The following CADM2 variants were observed in gnomAD, a reference collection of about 807,000 sequenced individuals.
CADM2 encodes cell adhesion molecule 2.
Under a neutral mutation model 49.8 loss-of-function variants are expected in CADM2, and 12 were observed. The observed-to-expected ratio is 0.24, with a 90% CI of 0.15 to 0.39. The LOEUF is 0.39. Among genes scored for constraint, CADM2 ranks in the 10% least tolerant of loss-of-function variants. CADM2 has a pLI of 1.00. For synonymous variants in CADM2, 214 were observed against 175.4 expected (o/e 1.22, Z -1.74); for missense variants, 378 against 492.3 (o/e 0.77, Z 2.20).
intron 1 of CADM2, among the ~76,000 whole-genome samples, chr3:85,157,418 C>T (rs1035865411): frequency 6.6e-6 from 1 of 152,100 alleles, no homozygotes; most frequent in African/African-American, 2.4e-5. Context: ...CTGGAGGCAT[C>T]ACACTACCTG....
intron 1 of CADM2, among the ~76,000 whole-genome samples, chr3:85,664,774 T>C (rs2065515166): frequency 6.6e-6 from 1 of 152,002 alleles, no homozygotes; most frequent in Non-Finnish European, 1.5e-5. Context: ...CTGTCTCTTA[T>C]CCCATCTGCA....
At chr3:85,950,443 T>G (rs1723296591) in intron 7 of CADM2, among the ~76,000 whole-genome samples, 1 of 151,146 alleles carries the variant, frequency 6.6e-6, no homozygotes, top group Non-Finnish European at 1.5e-5. Flanking sequence ...TGTTGTGCCA[T>G]AAATTGGCTG....
intron 1 of CADM2, among the ~76,000 whole-genome samples, chr3:85,277,109 G>A (rs933353014): frequency 6.6e-6 from 1 of 151,200 alleles, no homozygotes; most frequent in Non-Finnish European, 1.5e-5. Flanking sequence ...CTTGAACTGA[G>A]GTGATAATGA....
chr3:85,501,863 A>T (rs550238012), intron 1 of CADM2, among the ~76,000 whole-genome samples: 2 of 152,268 alleles, frequency 1.3e-5, no homozygotes, highest in East Asian at 3.9e-4. Context: ...ATTTTTTGAA[A>T]AGCCAATTAA....
intron 1 of CADM2, among the ~76,000 whole-genome samples, chr3:85,491,647 T>A (rs945107554): frequency 6.6e-6 from 1 of 152,052 alleles, no homozygotes; most frequent in African/African-American, 2.4e-5. Flanking sequence ...TCTACCCCTC[T>A]AGTCACTTAA....
intron 1 of CADM2, among the ~76,000 whole-genome samples, chr3:85,628,903 G>A (rs936837672): frequency 1.3e-5 from 2 of 151,008 alleles, no homozygotes; most frequent in African/African-American, 4.9e-5. Flanking sequence ...AGTTATTGAG[G>A]TGGTATATGT....
intron 1 of CADM2, among the ~76,000 whole-genome samples, chr3:85,179,061 T>A (rs967279994): frequency 6.6e-6 from 1 of 151,978 alleles, no homozygotes; most frequent in East Asian, 1.9e-4. Context: ...TTCCTAATAA[T>A]TTAATCATTA....
At chr3:85,866,118 A>G (rs2075712148) in intron 3 of CADM2, among the ~76,000 whole-genome samples, 1 of 152,146 alleles carries the variant, frequency 6.6e-6, no homozygotes, top group Admixed American at 6.5e-5. Context: ...TCTGGGCGAC[A>G]GAGTGAGAGT....
intron 1 of CADM2, among the ~76,000 whole-genome samples, chr3:85,227,315 G>C (rs2042184263): frequency 6.6e-6 from 1 of 152,032 alleles, no homozygotes; most frequent in South Asian, 2.1e-4. Flanking sequence ...CTCCTGTATA[G>C]GGTGCATATA....
intron 2 of CADM2, among the ~76,000 whole-genome samples, chr3:85,741,192 T>A (rs1218536679): frequency 6.6e-6 from 1 of 152,180 alleles, no homozygotes; most frequent in Non-Finnish European, 1.5e-5. Context: ...TGTTTAGATA[T>A]CATCTTCTAT....
intron 1 of CADM2, among the ~76,000 whole-genome samples, chr3:85,199,225 A>T (rs1463108507): frequency 6.6e-6 from 1 of 151,968 alleles, no homozygotes; most frequent in Admixed American, 6.6e-5. Context: ...GAGAATAGCT[A>T]TTTGTATTCA....
intron 1 of CADM2, among the ~76,000 whole-genome samples, chr3:85,683,424 T>G (rs895135231): frequency 6.6e-6 from 1 of 152,288 alleles, no homozygotes; most frequent in South Asian, 2.1e-4. Context: ...TGTGTGAATC[T>G]TTTTTGATAA....
intron 1 of CADM2, among the ~76,000 whole-genome samples, chr3:85,663,021 A>G (rs1037563905): frequency 6.6e-6 from 1 of 152,012 alleles, no homozygotes; most frequent in Non-Finnish European, 1.5e-5. Flanking sequence ...TCGTAACTAG[A>G]TATTTGGTGT....
rs112565489 is a variant in CADM2, at chr3:85,034,580, C to T, written c.61+74912C>T. Among the ~76,000 whole-genome samples, 652 of 152,072 alleles carry T rather than the reference C, an allele frequency of 4.3e-3. 2 individuals are homozygous for T. The highest frequency in any genetic ancestry group is 0.014 in the African/African-American group (571 of 41,470). ...AACATGGGAGTGCAGATATCTCTGACGTATTTCCTTTCTTTTGGGTCTATA... is the reference window on the plus strand; with the variant it reads ...AACATGGGAGTGCAGATATCTCTGATGTATTTCCTTTCTTTTGGGTCTATA... On this transcript the variant is annotated intron_variant, in intron 1 of 9. Coordinates refer to ENST00000383699, the MANE Select transcript of CADM2 (RefSeq NM_001167675.2).
intron 4 of CADM2, among the ~76,000 whole-genome samples, chr3:85,885,806 C>T (rs1331510479): frequency 2.2e-5 from 3 of 137,588 alleles, no homozygotes; most frequent in Non-Finnish European, 3.0e-5. Flanking sequence ...GAGCCGAGAT[C>T]GAGCCAGTCC....
At chr3:85,526,831 T>A (rs2106928639) in intron 1 of CADM2, among the ~76,000 whole-genome samples, 1 of 152,240 alleles carries the variant, frequency 6.6e-6, no homozygotes, top group Admixed American at 6.5e-5. Context: ...ACAAGTATTA[T>A]CCCCATTTTA....
intron 8 of CADM2, chr3:86,014,793 A>C (rs1732001773): frequency 6.8e-7 from 1 of 1,476,522 alleles, no homozygotes; most frequent in African/African-American, 1.4e-5. Context: ...GAAACACAGG[A>C]GGAAAGATAT....
At chr3:85,504,775 G>A (rs539036242) in intron 1 of CADM2, among the ~76,000 whole-genome samples, 9 of 152,310 alleles carry the variant, frequency 5.9e-5, no homozygotes, top group Non-Finnish European at 1.2e-4. Flanking sequence ...CACGGAGGGG[G>A]TGGGAGGCTC....
Position 85,802,168 on chromosome 3 carries a change from A to G in CADM2, c.210A>G (p.Gln70=). 6.2e-7 allele frequency: 1 copy of G among 1,612,802 alleles called. No individual in the cohort carries two copies. The highest frequency in any genetic ancestry group is 8.5e-7 in the Non-Finnish European group (1 of 1,179,308). ...CCCTCCAGTGGTCAAATCCAGCTCAACAGACTCTGTACTTTGACGACAAGA... is the reference window on the plus strand; with the variant it reads ...CCCTCCAGTGGTCAAATCCAGCTCAGCAGACTCTGTACTTTGACGACAAGA... The part of the protein sequence containing the change: ...NTSLQWSNPA[Q]QTLYFDDKKA... The change falls in exon 3 of 10, where the codon CAA becomes CAG. Residue 70 remains glutamine, a synonymous_variant. Transcript: ENST00000383699.
Sources: gnomAD v4.1 joint callset for allele counts (sites outside exome capture counted in the v4.1 genomes callset) on GRCh38, gnomAD v4.1.1 for gene constraint, MANE v1.5 for transcripts, NCBI Gene and HGNC (gene_info 2026-07-23, HGNC 2026-07-21) for gene names.